Variants in SHC2 observed in about 807,000 individuals in gnomAD.
The protein encoded by SHC2 is SHC-transforming protein 2.
In SHC2, 62 loss-of-function variants were observed where a neutral mutation model predicts 60.6. That is an observed-to-expected ratio of 1.02 (90% CI 0.83 to 1.26). The LOEUF is 1.26. Ranked by LOEUF, SHC2 falls within the 50% of genes most tolerant of loss-of-function variation. The pLI is 0.00. For synonymous variants in SHC2, 375 were observed against 372.4 expected, an observed-to-expected ratio of 1.01 and a Z score of -0.08; for missense variants, 873 against 822.2, an observed-to-expected ratio of 1.06 and a Z score of -0.76.
chr19:438,813 C>A lies in SHC2; in HGVS notation c.625G>T (p.Val209Phe). 1.9e-6 allele frequency: 3 copies of A among 1,572,204 alleles called. No homozygotes were observed. The highest frequency in any genetic ancestry group is 2.6e-6 in the Non-Finnish European group (3 of 1,159,942). ...AAGCGAAGGTTGCTCTTGCCCAGGA[C>A]GGACGCCAGGGCCTTGTTGGGGGCC... ...KKAPNKALAS[V>F]LGKSNLRFAG... Residue 209 changes from valine to phenylalanine, a missense_variant, in exon 4 of 13, where the codon GTC becomes TTC. Transcript: ENST00000264554. This position sits in a 1 kb window ranked among gnomAD's most constrained non-coding sequence, Gnocchi z 5.0.
At chr19:459,416 C>T (rs1436174386) in intron 1 of SHC2, among the ~76,000 whole-genome samples, 14 of 134,784 alleles carry the variant, frequency 1.0e-4, no homozygotes, top group South Asian at 2.4e-4. Flanking sequence ...CTGAACCCAG[C>T]GTAGGGGGAA....
Position 439,014 on chromosome 19 carries a change from G to T in SHC2, c.556C>A (p.Leu186Ile). 6.3e-7 allele frequency: 1 copy of T among 1,594,438 alleles called. No individual in the cohort carries two copies. Among genetic ancestry groups the T allele is most frequent in the Non-Finnish European group, 8.5e-7 (1 of 1,171,124 alleles). Reference protein sequence around the residue: ...TQVTREAINRLHEAVPGVRGS... With the variant: ...TQVTREAINRIHEAVPGVRGS... ...CGGACGCCAGGCACGGCCTCATGGA[G>T]CCGGTTGATGGCTTCCCTGGGGTTG... The change falls in exon 3 of 13, where the codon CTC (leucine) becomes ATC (isoleucine). Residue 186 changes from leucine to isoleucine, a missense_variant. Leu to Ile is a conservative substitution (Grantham distance 5). Transcript: ENST00000264554.
chr19:439,842 A>G (rs760391388), intron 2 of SHC2, among the ~76,000 whole-genome samples: 1 of 152,004 alleles, frequency 6.6e-6, no homozygotes, highest in Non-Finnish European at 1.5e-5. Flanking sequence ...TCTGACCAAC[A>G]TGGAGAAACC....
Position 438,662 on chromosome 19 carries a change from A to G in SHC2, c.720+56T>C. 1.3e-6 allele frequency: 2 copies of G among 1,533,048 alleles called. No individual in the cohort carries two copies. Among genetic ancestry groups the G allele is most frequent in the Non-Finnish European group, 1.8e-6 (2 of 1,139,860 alleles). The allele number at this position is 1,533,048 out of a possible 1,614,324, so 95.0% of individuals were successfully genotyped here. On this transcript the variant is annotated intron_variant, in intron 4 of 12. Coordinates refer to ENST00000264554, the MANE Select transcript of SHC2 (RefSeq NM_012435.3). The surrounding 1 kb of genome is among the most constrained non-coding windows in gnomAD (Gnocchi z 5.0). ...AGCACCCCACCTGGCTTTGCCTCCT[A>G]GGACTCCTGGCCCCTCTGGGGGTCT...
rs749717430 is a variant in SHC2, at chr19:430,691, G to A, written c.1167C>T (p.Thr389=). The change falls in exon 9 of 13, where the codon ACC becomes ACT. Residue 389 remains threonine (T), a synonymous_variant. Transcript: ENST00000264554. ...ACSLPWDVGS[T]GTAPPGDGYV... ...AGCCCCAGCCCATCCTACCTGTACC[G>A]GTGGACCCCACGTCCCATGGCAGGC... 12 of 1,612,804 alleles carry A rather than the reference G, an allele frequency of 7.4e-6. No individual in the cohort carries two copies. The South Asian group carries it at 7.7e-5, about 10-fold the overall frequency.
chr19:436,102 G>A (rs929911994), intron 7 of SHC2, 63 bp downstream of exon 7: 3 of 1,567,538 alleles, frequency 1.9e-6, no homozygotes, highest in African/African-American at 1.3e-5. Context: ...GGTGGAGCAG[G>A]CTCTGCACCT....
In SHC2 at chr19:430,723, C is replaced by G; in HGVS notation, c.1135G>C (p.Ala379Pro). ...CCCACGTCCCATGGCAGGCTGCAGGCATCTCTTAGAGAAGGAGATGGGCCC... is the reference window on the plus strand; with the variant it reads ...CCCACGTCCCATGGCAGGCTGCAGGGATCTCTTAGAGAAGGAGATGGGCCC... ...DQGPSPSLRD[A>P]CSLPWDVGST... Residue 379 changes from alanine to proline, a missense_variant, in exon 9 of 13, where the codon GCC becomes CCC. Ala to Pro is a conservative substitution (Grantham distance 27). Coordinates refer to ENST00000264554, the MANE Select transcript of SHC2 (RefSeq NM_012435.3). 1 of 1,613,136 alleles carries G rather than the reference C, an allele frequency of 6.2e-7. No homozygotes were observed.
At chr19:460,454 G>GGGGGTCCC in intron 1 of SHC2, 75 bp downstream of exon 1, 1 of 728,314 alleles carries the variant, frequency 1.4e-6, no homozygotes, top group Non-Finnish European at 1.8e-6. Context: ...CGCGGGGTCC[G>GGGGGTCCC]GGGGTCCCGG....
At chr19:426,454 G>A (rs1974420391) in intron 9 of SHC2, among the ~76,000 whole-genome samples, 1 of 117,092 alleles carries the variant, frequency 8.5e-6, no homozygotes, top group Admixed American at 8.2e-5. Flanking sequence ...GGGGAGGGAG[G>A]ACGACACCGA....
At chr19:436,111 C>T in intron 7 of SHC2, 54 bp downstream of exon 7, 3 of 1,590,024 alleles carry the variant, frequency 1.9e-6, no homozygotes, top group Non-Finnish European at 1.7e-6. Context: ...GGCTCTGCAC[C>T]TGGGCAGGTC....
In SHC2 at chr19:438,863, G is replaced by C; in HGVS notation, c.601-26C>G. The C allele has an allele frequency of 6.4e-7, 1 of 1,557,140 alleles. No homozygotes were observed. Among genetic ancestry groups the C allele is most frequent in the Non-Finnish European group, 8.7e-7 (1 of 1,151,168 alleles). On this transcript the variant is annotated intron_variant, in intron 3 of 12. Transcript: ENST00000264554. The surrounding 1 kb of genome is among the most constrained non-coding windows in gnomAD (Gnocchi z 5.0). ...CTGAGTTGGGGGCGGAGCACAGCGAGGGCGGCTGTGGGTGGGGGCTGTCGA... is the reference window on the plus strand; with the variant it reads ...CTGAGTTGGGGGCGGAGCACAGCGACGGCGGCTGTGGGTGGGGGCTGTCGA...
In SHC2 at chr19:425,199, C is replaced by T. The variant is rs199934370; in HGVS notation, c.1207G>A (p.Ala403Thr). The part of the protein sequence containing the change: ...PPGDGYVQAD[A>T]RGPPDHEEHL... ...TCCTCGTGGTCCGGGGGGCCCCGGG[C>T]GTCCGCCTGCACGTAGCCGTCCCCC... is the stretch of plus-strand genomic sequence containing the variant. Residue 403 changes from alanine to threonine, a missense_variant, in exon 10 of 13, where the codon GCC becomes ACC. By Grantham distance (58) the Ala-to-Thr change is moderately conservative. Transcript: ENST00000264554. This position sits in a 1 kb window ranked among gnomAD's most constrained non-coding sequence, Gnocchi z 4.1. The T allele has an allele frequency of 1.4e-5, 19 of 1,341,390 alleles. No individual in the cohort carries two copies. The Admixed American group carries it at 3.0e-4, about 21-fold the overall frequency. The allele number at this position is 1,341,390 out of a possible 1,614,324, so 83.1% of individuals were successfully genotyped here.
At chr19:450,869 G>A (rs1975168963) in intron 1 of SHC2, among the ~76,000 whole-genome samples, 1 of 149,954 alleles carries the variant, frequency 6.7e-6, no homozygotes, top group South Asian at 2.1e-4. Context: ...TTCAGCGTGT[G>A]GATGGCCACG....
Position 444,314 on chromosome 19 carries a change from T to C in SHC2, c.469-3382A>G, listed in dbSNP as rs747066179. On this transcript the variant is annotated intron_variant, in intron 1 of 12. Transcript: ENST00000264554. ...TGAGGAGGCAGCTTTGGTGGGATGC[T>C]GGCTGCTCAATGGCTGTCTTCTCTC... 5.5e-4 allele frequency among the ~76,000 whole-genome samples: 83 copies of C among 152,278 alleles called. 1 individual carries two copies. The highest frequency in any genetic ancestry group is 5.6e-4 in the Non-Finnish European group (38 of 67,994).
At chr19:437,099 C>T (rs1048008365) in intron 4 of SHC2, among the ~76,000 whole-genome samples, 3 of 152,230 alleles carry the variant, frequency 2.0e-5, no homozygotes, top group East Asian at 1.9e-4. Flanking sequence ...CCCTTGTCCA[C>T]GTGCAAGGGC....
At chr19:447,028 C>G (rs373046627) in intron 1 of SHC2, among the ~76,000 whole-genome samples, 3 of 152,210 alleles carry the variant, frequency 2.0e-5, no homozygotes, top group African/African-American at 7.2e-5. Context: ...ACTCCACTTA[C>G]AAACATAATT....
chr19:442,264 T>C (rs1192209595), intron 1 of SHC2, among the ~76,000 whole-genome samples: 1 of 149,514 alleles, frequency 6.7e-6, no homozygotes, highest in Non-Finnish European at 1.5e-5. Flanking sequence ...AACGGATGGA[T>C]GATGGGTGAG....
chr19:418,960 G>A lies in SHC2; in HGVS notation c.1717C>T (p.His573Tyr). ...TCCCGTGAGACCACGCCACGCAGGTGCAGCTCACTCTCGGCGGCCACGATG... is the reference window on the plus strand; with the variant it reads ...TCCCGTGAGACCACGCCACGCAGGTACAGCTCACTCTCGGCGGCCACGATG... ...QPIVAAESEL[H>Y]LRGVVSREP The change falls in exon 12 of 13, where the codon CAC (histidine) becomes TAC (tyrosine). Residue 573 changes from histidine (H) to tyrosine (Y), a missense_variant. His to Tyr is a moderately conservative substitution (Grantham distance 83). Transcript: ENST00000264554. The A allele has an allele frequency of 1.3e-6, 2 of 1,587,874 alleles. No homozygotes were observed. Among genetic ancestry groups the A allele is most frequent in the Non-Finnish European group, 1.7e-6 (2 of 1,167,942 alleles).
rs527277883 is a variant in SHC2 at position 426,178 on chromosome 19, C to T, written c.1175-947G>A. Among the ~76,000 whole-genome samples, 50 of 152,346 alleles carry T rather than the reference C, an allele frequency of 3.3e-4. No individual in the cohort carries two copies. In the South Asian group the frequency reaches 8.5e-3, roughly 26 times the overall value. On this transcript the variant is annotated intron_variant, in intron 9 of 12. Transcript: ENST00000264554. ...GCCTCTGCCTTGGAACAGGGTCTGG[C>T]TGTGAATCCACATGAACGTGAGGCT... is the stretch of plus-strand genomic sequence containing the variant.
Sources: allele counts gnomAD v4.1 joint callset (sites outside exome capture counted in the v4.1 genomes callset), GRCh38; gene constraint gnomAD v4.1.1; non-coding constraint Gnocchi (gnomAD v3.1); transcripts MANE v1.5; gene names NCBI Gene and HGNC (gene_info 2026-07-23, HGNC 2026-07-21).